MGAT4C: variants seen among roughly 807,000 people sequenced by gnomAD.
MGAT4C encodes MGAT4 family member C.
A neutral mutation model predicts 40.1 loss-of-function variants in MGAT4C; 19 were observed. The ratio of observed to expected loss-of-function variants is 0.47; its 90% CI spans 0.33 to 0.70. The LOEUF is 0.70. MGAT4C is among the 30% of genes least tolerant of loss of function. The pLI is 0.02. For missense variants in MGAT4C, 491 were observed against 563.2 expected (o/e 0.87, Z 1.30); for synonymous variants, 181 against 187.1 (o/e 0.97, Z 0.27).
chr12:85,996,005 C>G (rs910598677), intron 2 of MGAT4C, among the ~76,000 whole-genome samples: 1 of 152,162 alleles, frequency 6.6e-6, no homozygotes, highest in South Asian at 2.1e-4. Flanking sequence ...TAACTTAACT[C>G]CATACTAGTA....
intron 2 of MGAT4C, among the ~76,000 whole-genome samples, chr12:86,617,278 G>A (rs1464262728): frequency 6.6e-6 from 1 of 152,092 alleles, no homozygotes; most frequent in African/African-American, 2.4e-5. Flanking sequence ...ATCTAACGTT[G>A]TCTTCATAGT....
intron 2 of MGAT4C, among the ~76,000 whole-genome samples, chr12:86,585,838 T>A (rs1961004945): frequency 6.6e-6 from 1 of 151,204 alleles, no homozygotes; most frequent in South Asian, 2.1e-4. Context: ...GCTGATCACC[T>A]TTTAACTGAA....
chr12:86,477,912 A>G (rs1957867788), intron 2 of MGAT4C, among the ~76,000 whole-genome samples: 1 of 152,096 alleles, frequency 6.6e-6, no homozygotes, highest in African/African-American at 2.4e-5. Flanking sequence ...ATGTCCCTTA[A>G]AGCAGATTAA....
At chr12:86,285,054 A>T (rs1335291148) in intron 4 of MGAT4C, among the ~76,000 whole-genome samples, 1 of 152,042 alleles carries the variant, frequency 6.6e-6, no homozygotes, top group Non-Finnish European at 1.5e-5. Flanking sequence ...ATTCAAAAAT[A>T]CCATAACAGG....
intron 1 of MGAT4C, among the ~76,000 whole-genome samples, chr12:86,050,562 T>C (rs552469578): frequency 9.2e-5 from 14 of 152,162 alleles, no homozygotes; most frequent in African/African-American, 3.4e-4. Context: ...TTTCAAAGTT[T>C]GGTGTTATGT....
chr12:86,232,559 G>A (rs1440723927), intron 1 of MGAT4C, among the ~76,000 whole-genome samples: 1 of 152,108 alleles, frequency 6.6e-6, no homozygotes, highest in East Asian at 1.9e-4. Flanking sequence ...AGATAAATAT[G>A]GGGAAAATGA....
In MGAT4C at chr12:86,041,392, G is replaced by A. The variant is rs543255951; in HGVS notation, c.-7+8282C>T. On this transcript the variant is annotated intron_variant, in intron 2 of 4. Transcript: ENST00000611864. ...GAGATACTTTGCTGTTGTTTCTGCA[G>A]TTCCCCTAGGTCTGATGTTATGTTA... 1.7e-4 allele frequency among the ~76,000 whole-genome samples: 26 copies of A among 152,080 alleles called. No homozygotes were observed. In the South Asian group the frequency reaches 5.4e-3, roughly 32 times the overall value.
At chr12:86,052,256 A>C (rs959081754) in intron 1 of MGAT4C, among the ~76,000 whole-genome samples, 2 of 151,668 alleles carry the variant, frequency 1.3e-5, no homozygotes, top group Non-Finnish European at 2.9e-5. Context: ...GAGGGCCCCA[A>C]ATTTTTTCAT....
chr12:86,335,915 C>T (rs1395557554), intron 3 of MGAT4C, among the ~76,000 whole-genome samples: 1 of 152,090 alleles, frequency 6.6e-6, no homozygotes, highest in African/African-American at 2.4e-5. Context: ...GAAAAATCCA[C>T]CATGGCATGC....
At chr12:86,467,471 T>C (rs994800474) in intron 2 of MGAT4C, among the ~76,000 whole-genome samples, 1 of 152,164 alleles carries the variant, frequency 6.6e-6, no homozygotes, top group African/African-American at 2.4e-5. Flanking sequence ...AATGTTATAA[T>C]TGGGCCTTTG....
intron 3 of MGAT4C, among the ~76,000 whole-genome samples, chr12:86,385,589 GC>G (rs1956035105): frequency 6.6e-6 from 1 of 152,196 alleles, no homozygotes; most frequent in African/African-American, 2.4e-5. Context: ...TGTGGTCCAA[GC>G]CTGTCTTGTC....
intron 2 of MGAT4C, among the ~76,000 whole-genome samples, chr12:86,577,928 G>A (rs187819367): frequency 1.3e-5 from 2 of 151,608 alleles, no homozygotes; most frequent in Non-Finnish European, 3.0e-5. Context: ...TTATGGGTAG[G>A]GTCATAAGAC....
intron 3 of MGAT4C, among the ~76,000 whole-genome samples, chr12:86,424,825 C>T (rs995827015): frequency 2.0e-5 from 3 of 152,118 alleles, no homozygotes; most frequent in East Asian, 3.9e-4. Flanking sequence ...GGTAGGACCC[C>T]GGCTCACTGC....
chr12:86,566,286 CACAATCTAA>C (rs908426192), intron 2 of MGAT4C, among the ~76,000 whole-genome samples: 9 of 151,526 alleles, frequency 5.9e-5, no homozygotes, highest in Admixed American at 1.3e-4. Flanking sequence ...CCTGGGTGGG[CACAATCTAA>C]TCCGCTGCCA....
intron 2 of MGAT4C, among the ~76,000 whole-genome samples, chr12:86,451,640 C>A (rs1253857328): frequency 1.3e-5 from 2 of 151,926 alleles, no homozygotes; most frequent in South Asian, 2.1e-4. Flanking sequence ...TTGTGTTTGC[C>A]TATTATTTTC....
At chr12:86,511,805 A>C (rs1400673263) in intron 2 of MGAT4C, among the ~76,000 whole-genome samples, 1 of 152,170 alleles carries the variant, frequency 6.6e-6, no homozygotes, top group Non-Finnish European at 1.5e-5. Flanking sequence ...AAAGAGACAA[A>C]AGTGGAAAGC....
intron 2 of MGAT4C, among the ~76,000 whole-genome samples, chr12:86,508,527 A>T (rs1253366873): frequency 6.6e-6 from 1 of 151,838 alleles, no homozygotes; most frequent in Non-Finnish European, 1.5e-5. Context: ...ATACGTGTGC[A>T]TGTGTCTTTA....
chr12:86,592,461 TTAAG>T (rs1450581596), intron 2 of MGAT4C, among the ~76,000 whole-genome samples: 2 of 152,164 alleles, frequency 1.3e-5, no homozygotes, highest in African/African-American at 4.8e-5. Flanking sequence ...GGTAAAAACG[TTAAG>T]TTTCACATTT....
intron 4 of MGAT4C, among the ~76,000 whole-genome samples, chr12:86,268,969 C>T (rs534670125): frequency 1.4e-3 from 203 of 142,900 alleles, no homozygotes; most frequent in African/African-American, 4.9e-3. Flanking sequence ...CCCTCACACA[C>T]ATACACATCT....
Sources: allele counts gnomAD v4.1 joint callset (sites outside exome capture counted in the v4.1 genomes callset), GRCh38; gene constraint gnomAD v4.1.1; transcripts MANE v1.5; gene names NCBI Gene and HGNC (gene_info 2026-07-23, HGNC 2026-07-21).